TENM4: variants seen among roughly 807,000 people sequenced by gnomAD.
The protein encoded by TENM4 is teneurin-4.
In TENM4, 82 loss-of-function variants were observed where a neutral mutation model predicts 243.3. The observed-to-expected ratio is 0.34, with a 90% CI of 0.28 to 0.40. The LOEUF (loss-of-function observed/expected upper bound fraction) is 0.40, where lower values mean the gene tolerates loss of function less well. TENM4 is among the 10% of genes least tolerant of loss of function. The pLI, the probability that TENM4 is intolerant of heterozygous loss-of-function variation, is 1.00. For synonymous variants in TENM4, 1,412 were observed against 1,456.3 expected (o/e 0.97, Z 0.69); for missense variants, 3,138 against 3,673.3 (o/e 0.85, Z 3.77).
intron 18 of TENM4, among the ~76,000 whole-genome samples, chr11:78,761,327 C>T (rs1856426642): frequency 6.6e-6 from 1 of 151,902 alleles, no homozygotes; most frequent in South Asian, 2.1e-4. Flanking sequence ...GCAAGCTCCG[C>T]CTCCCGGGTT....
intron 17 of TENM4, among the ~76,000 whole-genome samples, chr11:78,774,987 A>G (rs1856712439): frequency 6.6e-6 from 1 of 152,352 alleles, no homozygotes; most frequent in South Asian, 2.1e-4. Flanking sequence ...ATACTTCTGA[A>G]AGTGAACCTT....
intron 3 of TENM4, among the ~76,000 whole-genome samples, chr11:79,151,614 T>G (rs1051646620): frequency 6.6e-6 from 1 of 152,130 alleles, no homozygotes; most frequent in African/African-American, 2.4e-5. Flanking sequence ...AAACTAGATC[T>G]GTCCAATTTC....
At chr11:79,027,719 G>A (rs1237899312) in intron 6 of TENM4, among the ~76,000 whole-genome samples, 1 of 152,138 alleles carries the variant, frequency 6.6e-6, no homozygotes, top group Non-Finnish European at 1.5e-5. Flanking sequence ...AGCCAGCTTA[G>A]GGCTTTCCAT....
At chr11:79,362,863 G>T (rs1322815364) in intron 1 of TENM4, among the ~76,000 whole-genome samples, 1 of 152,226 alleles carries the variant, frequency 6.6e-6, no homozygotes, top group Non-Finnish European at 1.5e-5. Flanking sequence ...CAGTCAATGA[G>T]CTTTAACCGT....
At chr11:78,901,277 CAAAT>C (rs1433853261) in intron 7 of TENM4, among the ~76,000 whole-genome samples, 3 of 152,146 alleles carry the variant, frequency 2.0e-5, no homozygotes, top group Middle Eastern at 3.4e-3. Context: ...CTTTTGGTGA[CAAAT>C]AAAAATGATT....
At chr11:79,430,646 C>A (rs1859148091) in intron 1 of TENM4, among the ~76,000 whole-genome samples, 1 of 152,182 alleles carries the variant, frequency 6.6e-6, no homozygotes, top group South Asian at 2.1e-4. Flanking sequence ...ATCCACACAG[C>A]CATGAGATAT....
At chr11:78,725,418 A>G (rs1344106412) in intron 23 of TENM4, among the ~76,000 whole-genome samples, 1 of 152,154 alleles carries the variant, frequency 6.6e-6, no homozygotes, top group Non-Finnish European at 1.5e-5. Context: ...GTTATCTATA[A>G]TACAGATCTG....
At chr11:79,299,895 A>AT (rs1856523187) in intron 1 of TENM4, among the ~76,000 whole-genome samples, 1 of 152,230 alleles carries the variant, frequency 6.6e-6, no homozygotes, top group Admixed American at 6.5e-5. Context: ...AACAGGTTGA[A>AT]TGTCCCATAG....
rs1293890881 is a variant in TENM4, at chr11:79,069,850, C to T, written c.95G>A (p.Gly32Asp). 6.4e-7 allele frequency: 1 copy of T among 1,550,492 alleles called. No individual in the cohort carries two copies. Among genetic ancestry groups the T allele is most frequent in the South Asian group, 1.2e-5 (1 of 84,066 alleles). Residue 32 changes from glycine (G) to aspartate (D), a missense_variant, in exon 5 of 34, where the codon GGC (glycine) becomes GAC (aspartate). By Grantham distance (94) the Gly-to-Asp change is moderately conservative. Coordinates refer to ENST00000278550, the MANE Select transcript of TENM4 (RefSeq NM_001098816.3). The stretch of plus-strand genomic sequence containing the variant: ...GCTGTACGATTTCTGCGGGGCTTTG[C>T]CCTCCTCGCTGTCCGCGGACGAGCT... ...YTSSSADSEE[G>D]KAPQKSYSSS...
intron 27 of TENM4, among the ~76,000 whole-genome samples, chr11:78,706,241 G>C (rs1481392659): frequency 6.6e-6 from 1 of 152,192 alleles, no homozygotes; most frequent in African/African-American, 2.4e-5. Context: ...CCTAAGCATA[G>C]AGTTATTCTC....
At chr11:78,786,808 A>G in intron 16 of TENM4, 90 bp downstream of exon 16, 1 of 1,515,118 alleles carries the variant, frequency 6.6e-7, no homozygotes, top group Non-Finnish European at 8.9e-7. Flanking sequence ...CCCACATGCG[A>G]TGAGGGCCCA....
chr11:79,137,599 T>C (rs189791451), intron 4 of TENM4, among the ~76,000 whole-genome samples: 1 of 152,322 alleles, frequency 6.6e-6, no homozygotes, highest in East Asian at 1.9e-4. Context: ...GCTGCCGAAA[T>C]GAGGACTGTA....
intron 6 of TENM4, among the ~76,000 whole-genome samples, chr11:78,982,439 C>T (rs1319312275): frequency 6.6e-6 from 1 of 152,130 alleles, no homozygotes; most frequent in Non-Finnish European, 1.5e-5. Flanking sequence ...CTCCTGTTTC[C>T]TGTCTGCTTA....
At chr11:79,395,001 C>A (rs1858312336) in intron 1 of TENM4, among the ~76,000 whole-genome samples, 1 of 152,214 alleles carries the variant, frequency 6.6e-6, no homozygotes, top group Non-Finnish European at 1.5e-5. Context: ...ACATTGCCAA[C>A]ACCTGGATTT....
At chr11:78,985,356 C>T (rs1857893450) in intron 6 of TENM4, among the ~76,000 whole-genome samples, 1 of 151,952 alleles carries the variant, frequency 6.6e-6, no homozygotes, top group South Asian at 2.1e-4. Flanking sequence ...AAAGATAATG[C>T]CAAATTACTT....
chr11:79,025,490 T>C (rs7110696), intron 6 of TENM4, among the ~76,000 whole-genome samples: 59,890 of 152,074 alleles, frequency 0.39, 13,478 homozygotes, highest in African/African-American at 0.62. Context: ...CCCAAGGCCA[T>C]GGAGACAGCA....
intron 3 of TENM4, among the ~76,000 whole-genome samples, chr11:79,194,204 T>G (rs1488095546): frequency 6.6e-6 from 1 of 151,868 alleles, no homozygotes; most frequent in Non-Finnish European, 1.5e-5. Context: ...TCCCCAGACA[T>G]GTGGAACTGT....
intron 6 of TENM4, among the ~76,000 whole-genome samples, chr11:78,906,738 C>G (rs547088732): frequency 2.0e-5 from 3 of 152,270 alleles, no homozygotes; most frequent in East Asian, 1.9e-4. Flanking sequence ...CAACCCAGAC[C>G]TCTCATTTTC....
At chr11:78,672,007 A>G in intron 31 of TENM4, 26 bp downstream of exon 31, 1 of 1,597,798 alleles carries the variant, frequency 6.3e-7, no homozygotes, top group Non-Finnish European at 8.5e-7. Context: ...TGGCAAGGCC[A>G]GTGATGCAGG....
Sources: allele counts gnomAD v4.1 joint callset (sites outside exome capture counted in the v4.1 genomes callset), GRCh38; gene constraint gnomAD v4.1.1; transcripts MANE v1.5; gene names NCBI Gene and HGNC (gene_info 2026-07-23, HGNC 2026-07-21).